The following DNAI4 variants were observed in gnomAD, a reference collection of about 807,000 sequenced individuals.
DNAI4 encodes dynein axonemal intermediate chain 4, also known as WD repeat domain 78.
A neutral mutation model predicts 105.8 loss-of-function variants in DNAI4; 85 were observed. That is an observed-to-expected ratio of 0.80 (90% CI 0.67 to 0.96). DNAI4 has a LOEUF of 0.96. DNAI4 is among the 40% of genes least tolerant of loss of function. The probability of loss-of-function intolerance (pLI) is 0.00; values close to 1 mark genes in which losing one functional copy is unlikely to be tolerated. For synonymous variants in DNAI4, 352 were observed against 331.5 expected, an observed-to-expected ratio of 1.06 and a Z score of -0.67; for missense variants, 1,014 against 1,005.6, an observed-to-expected ratio of 1.01 and a Z score of -0.11.
intron 13 of DNAI4, chr1:66,828,544 C>T (rs1645802428): frequency 6.6e-6 from 1 of 152,088 alleles, no homozygotes; most frequent in South Asian, 2.1e-4. Flanking sequence ...AGGTGGAGCA[C>T]TTTACGTTCC....
intron 4 of DNAI4, among the ~76,000 whole-genome samples, chr1:66,885,854 G>A (rs1647188214): frequency 6.6e-6 from 1 of 151,912 alleles, no homozygotes; most frequent in African/African-American, 2.4e-5. Flanking sequence ...GTTTTGCTTT[G>A]ATATTTATCT....
In DNAI4 at chr1:66,874,857, CTG is replaced by C; in HGVS notation, c.722_723del (p.Thr241ArgfsTer9). On this transcript the variant is annotated frameshift_variant, in exon 5 of 17. Coordinates refer to ENST00000371026, the MANE Select transcript of DNAI4 (RefSeq NM_024763.5). LOFTEE classifies it high-confidence loss of function. ...DLEKNIEIIL[T>X]ETETLRFFDL... ...TCAAAAAATCTCAGTGTTTCTGTCT[CTG>C]TGAGTATTATCTCTATATTCTTCTC... is the stretch of plus-strand genomic sequence containing the variant. The C allele has an allele frequency of 6.2e-7, 1 of 1,613,760 alleles. No individual in the cohort carries two copies. Among genetic ancestry groups the C allele is most frequent in the Non-Finnish European group, 8.5e-7 (1 of 1,179,774 alleles).
rs71058480 is a variant in DNAI4, at chr1:66,893,053, AAGAGAGAGAG to A, written c.530+166_530+175del. Among the ~76,000 whole-genome samples, 281 of 66,588 alleles carry A rather than the reference AAGAGAGAGAG, an allele frequency of 4.2e-3. 18 individuals are homozygous for A. Among genetic ancestry groups the A allele is most frequent in the African/African-American group, 0.015 (258 of 16,674 alleles). The allele number at this position is 66,588 out of a possible 152,430, so 43.7% of individuals were successfully genotyped here. On this transcript the variant is annotated intron_variant, in intron 3 of 16. Transcript: ENST00000371026. ...AAGAGAGGAAAGAAAGAAAGAAAGA[AAGAGAGAGAG>A]AGAAAGAAAGAAAGAAAGAAAGAAA...
chr1:66,862,148 T>G lies in DNAI4; in HGVS notation c.1095A>C (p.Lys365Asn), dbSNP rs760419630. 22 of 1,555,638 alleles carry G rather than the reference T, an allele frequency of 1.4e-5. No individual in the cohort carries two copies. Among genetic ancestry groups the G allele is most frequent in the African/African-American group, 2.8e-5 (2 of 71,164 alleles). Residue 365 changes from lysine to asparagine, a missense_variant and splice_region_variant, in exon 7 of 17, where the codon AAA (lysine) becomes AAC (asparagine). Coordinates refer to ENST00000371026, the MANE Select transcript of DNAI4 (RefSeq NM_024763.5). The part of the protein sequence containing the change: ...DQRLPGSTTE[K>N]NSETSSLMDI... ...AAACTAAAATAAATGAAATCTTACTTTTTTCTGTAGTGCTCCCTGGCAATC... is the reference window on the plus strand; with the variant it reads ...AAACTAAAATAAATGAAATCTTACTGTTTTCTGTAGTGCTCCCTGGCAATC...
In DNAI4 at chr1:66,847,474, T is replaced by A. The variant is rs376774631; in HGVS notation, c.1291+10A>T. ...CACCCAGCCTAAACATGTTTATTTT[T>A]TTTAAATACCTTTTAAAACAGGAAG... On this transcript the variant is annotated intron_variant, in intron 8 of 16. Coordinates refer to ENST00000371026, the MANE Select transcript of DNAI4 (RefSeq NM_024763.5). 14 of 1,609,554 alleles carry A rather than the reference T, an allele frequency of 8.7e-6. No individual in the cohort carries two copies. The African/African-American group carries it at 1.9e-4, about 22-fold the overall frequency.
chr1:66,862,258 T>C lies in DNAI4; in HGVS notation c.985A>G (p.Met329Val), dbSNP rs770537007. 3 of 1,610,856 alleles carry C rather than the reference T, an allele frequency of 1.9e-6. No homozygotes were observed. Among genetic ancestry groups the C allele is most frequent in the Non-Finnish European group, 2.5e-6 (3 of 1,178,970 alleles). ...AWDLYDSYNA[M>V]ELVSLSVKQS... ...TTTACTGATAAAGATACAAGTTCCA[T>C]AGCATTGTAAGAATCATACAAATCC... Residue 329 changes from methionine (M) to valine (V), a missense_variant, in exon 7 of 17, where the codon ATG becomes GTG. By Grantham distance (21) the Met-to-Val change is conservative. Transcript: ENST00000371026.
At chr1:66,838,334 A>C (rs896641315) in intron 9 of DNAI4, among the ~76,000 whole-genome samples, 1 of 152,182 alleles carries the variant, frequency 6.6e-6, no homozygotes, top group Non-Finnish European at 1.5e-5. Context: ...AAAAAGAGAA[A>C]AACACACCAG....
At chr1:66,922,169 T>G (rs1445472905) in intron 1 of DNAI4, among the ~76,000 whole-genome samples, 1 of 152,074 alleles carries the variant, frequency 6.6e-6, no homozygotes, top group Non-Finnish European at 1.5e-5. Context: ...TCAAGCAATT[T>G]GCCCACTTCA....
chr1:66,830,889 A>C (rs1645852338), intron 13 of DNAI4, among the ~76,000 whole-genome samples: 1 of 149,618 alleles, frequency 6.7e-6, no homozygotes, highest in Admixed American at 6.7e-5. Context: ...ACGTGGGAGG[A>C]TAGCTTGAGC....
At chr1:66,834,840 G>A (rs34407103) in intron 11 of DNAI4, among the ~76,000 whole-genome samples, 12,559 of 151,938 alleles carry the variant, frequency 0.083, 713 homozygotes, top group African/African-American at 0.16. Flanking sequence ...TGAAAATTAT[G>A]GACCCTCTTC....
intron 4 of DNAI4, among the ~76,000 whole-genome samples, chr1:66,889,884 G>A (rs923150469): frequency 4.6e-5 from 7 of 152,028 alleles, no homozygotes; most frequent in African/African-American, 1.7e-4. Context: ...TGATTCAAAA[G>A]TCAATAATGT....
intron 8 of DNAI4, among the ~76,000 whole-genome samples, chr1:66,840,886 C>A (rs962226758): frequency 6.6e-5 from 10 of 152,192 alleles, no homozygotes; most frequent in Non-Finnish European, 8.8e-5. Flanking sequence ...AGCAGCTTTT[C>A]TGTTTACTCA....
In DNAI4 at chr1:66,813,543, G is replaced by A. The variant is rs962677545; in HGVS notation, c.*587C>T. Reference sequence around the variant, plus strand: ...TCTCACTGAATTGGGAATGTGATAAGCGCTGGTCAAACCATAAAATTCTGA... The same window carrying A: ...TCTCACTGAATTGGGAATGTGATAAACGCTGGTCAAACCATAAAATTCTGA... On this transcript the variant is annotated 3_prime_UTR_variant, in exon 17 of 17. Transcript: ENST00000371026. 7 of 152,314 alleles carry A rather than the reference G, an allele frequency of 4.6e-5. No individual in the cohort carries two copies. The highest frequency in any genetic ancestry group is 8.8e-5 in the Non-Finnish European group (6 of 68,042). The allele number at this position is 152,314 out of a possible 1,614,324, so 9.4% of individuals were successfully genotyped here.
chr1:66,834,922 C>T (rs931883368), intron 11 of DNAI4, among the ~76,000 whole-genome samples: 41 of 152,174 alleles, frequency 2.7e-4, no homozygotes, highest in African/African-American at 9.2e-4. Context: ...GGAACCTCTG[C>T]TTTAATGGTT....
chr1:66,827,897 T>C lies in DNAI4; in HGVS notation c.2027A>G (p.Tyr676Cys). The change falls in exon 14 of 17, where the codon TAT becomes TGT. Residue 676 changes from tyrosine (Y) to cysteine (C), a missense_variant. Physicochemically the swap from Tyr to Cys is radical, Grantham distance 194. Transcript: ENST00000371026. ...ATGACCTTCTTCAGTGCCAGCCAAA[T>C]AGATATTTGTGTCCTACAACACAAA... ...FAFHPKDTNI[Y>C]LAGTEEGHIH... 1 of 1,603,126 alleles carries C rather than the reference T, an allele frequency of 6.2e-7. No individual in the cohort carries two copies. Among genetic ancestry groups the C allele is most frequent in the South Asian group, 1.1e-5 (1 of 89,094 alleles).
intron 4 of DNAI4, among the ~76,000 whole-genome samples, chr1:66,885,005 T>C (rs1647163240): frequency 6.6e-6 from 1 of 152,254 alleles, no homozygotes; most frequent in Non-Finnish European, 1.5e-5. Flanking sequence ...AATTGCTTTT[T>C]CTTCATCCCC....
At chr1:66,920,623 C>T (rs865843966) in intron 1 of DNAI4, among the ~76,000 whole-genome samples, 1 of 152,186 alleles carries the variant, frequency 6.6e-6, no homozygotes, top group African/African-American at 2.4e-5. Flanking sequence ...CTCACCTGTG[C>T]TCCACCTCCC....
intron 1 of DNAI4, among the ~76,000 whole-genome samples, chr1:66,923,629 T>C (rs951468710): frequency 2.0e-5 from 3 of 152,236 alleles, no homozygotes; most frequent in African/African-American, 7.2e-5. Context: ...GTTGCATGGC[T>C]ATTGCTGGCT....
intron 1 of DNAI4, among the ~76,000 whole-genome samples, chr1:66,919,871 A>G (rs1650334375): frequency 6.6e-6 from 1 of 152,202 alleles, no homozygotes; most frequent in African/African-American, 2.4e-5. Context: ...TCCCAGGGAC[A>G]AGGGCCCATT....
Sources: gnomAD v4.1 joint callset for allele counts (sites outside exome capture counted in the v4.1 genomes callset) on GRCh38, gnomAD v4.1.1 for gene constraint, MANE v1.5 for transcripts, NCBI Gene and HGNC (gene_info 2026-07-23, HGNC 2026-07-21) for gene names.